The following SREK1IP1 variants were observed in gnomAD, a reference collection of about 807,000 sequenced individuals.
SREK1IP1 encodes SREK1 interacting protein 1.
Under a neutral mutation model 22.8 loss-of-function variants are expected in SREK1IP1, and 12 were observed. That is an observed-to-expected ratio of 0.53 (90% CI 0.34 to 0.85). SREK1IP1 has a LOEUF of 0.85. Among genes scored for constraint, SREK1IP1 ranks in the 40% least tolerant of loss-of-function variants. The probability of loss-of-function intolerance (pLI) is 0.02; values close to 1 mark genes in which losing one functional copy is unlikely to be tolerated. For synonymous variants in SREK1IP1, 53 were observed against 52.7 expected (o/e 1.01, Z -0.02); for missense variants, 147 against 171.8 (o/e 0.86, Z 0.81).
chr5:64,732,737 GC>G (rs1437305835), intron 3 of SREK1IP1, among the ~76,000 whole-genome samples: 4 of 152,024 alleles, frequency 2.6e-5, no homozygotes, highest in African/African-American at 9.7e-5. Flanking sequence ...AACTAAAATA[GC>G]TTGAACAATT....
At chr5:64,757,973 C>G (rs1217230944) in intron 1 of SREK1IP1, among the ~76,000 whole-genome samples, 1 of 146,248 alleles carries the variant, frequency 6.8e-6, no homozygotes, top group East Asian at 2.1e-4. Flanking sequence ...GGGTTCACAC[C>G]ATTCTCCTGC....
intron 3 of SREK1IP1, among the ~76,000 whole-genome samples, 164 bp from the exon 4 acceptor site, chr5:64,728,343 A>C (rs1393280987): frequency 1.3e-5 from 2 of 151,956 alleles, no homozygotes; most frequent in Non-Finnish European, 2.9e-5. Flanking sequence ...CCATTAAAAA[A>C]CTCATAAAAG....
chr5:64,725,111 A>G (rs1005608675), intron 4 of SREK1IP1, among the ~76,000 whole-genome samples: 2 of 152,184 alleles, frequency 1.3e-5, no homozygotes, highest in African/African-American at 4.8e-5. Context: ...GGAGAGTGAT[A>G]CAGATGAATA....
intron 2 of SREK1IP1, 108 bp from the exon 3 acceptor site, chr5:64,741,308 T>G: frequency 9.5e-7 from 1 of 1,053,612 alleles, no homozygotes; most frequent in Non-Finnish European, 1.4e-6. Context: ...ATTTCAATAA[T>G]ATAATGTAGA....
chr5:64,741,227 G>A (rs1426419236), intron 2 of SREK1IP1, 27 bp from the exon 3 acceptor site: 3 of 1,593,928 alleles, frequency 1.9e-6, no homozygotes, highest in East Asian at 2.3e-5. Context: ...AAAAAAATGT[G>A]AGTGATAAAA....
chr5:64,738,556 G>A (rs1369494280), intron 3 of SREK1IP1, among the ~76,000 whole-genome samples: 3 of 151,966 alleles, frequency 2.0e-5, no homozygotes. Context: ...CAAAGCTGTA[G>A]GCATCACATT....
At chr5:64,762,912 C>A (rs566505513) in intron 1 of SREK1IP1, among the ~76,000 whole-genome samples, 1 of 150,410 alleles carries the variant, frequency 6.6e-6, no homozygotes, top group Non-Finnish European at 1.5e-5. Flanking sequence ...ATTAGCCAGG[C>A]GTGGTGGTGG....
intron 3 of SREK1IP1, among the ~76,000 whole-genome samples, chr5:64,735,100 A>AT (rs200787880): frequency 0.014 from 2,054 of 151,950 alleles, 39 homozygotes; most frequent in African/African-American, 0.048. Context: ...TTGGCTCAGA[A>AT]TTTTTTATCA....
At chr5:64,730,886 G>T (rs1742366596) in intron 3 of SREK1IP1, among the ~76,000 whole-genome samples, 1 of 152,100 alleles carries the variant, frequency 6.6e-6, no homozygotes. Flanking sequence ...GCTAGATAAG[G>T]GTAAAAGATA....
rs1429462754 is a variant in SREK1IP1 at position 64,719,969 on chromosome 5, T to C, written c.*4415A>G. 1 of 152,240 alleles carries C rather than the reference T, an allele frequency of 6.6e-6. No homozygotes were observed. Among genetic ancestry groups the C allele is most frequent in the Admixed American group, 6.5e-5 (1 of 15,286 alleles). 9.4% of individuals were successfully genotyped at this position (152,240 alleles called of 1,614,324 possible). A position where few individuals can be genotyped will look rare whatever the true frequency, so the allele number is the denominator to read the frequency against. On this transcript the variant is annotated 3_prime_UTR_variant, in exon 5 of 5. Coordinates refer to ENST00000513458, the MANE Select transcript of SREK1IP1 (RefSeq NM_173829.4). ...GTCCTTGAAGCACTCCCTGCTGAGC[T>C]AGCTTATCACTAGGTTACCTGAGGT...
intron 3 of SREK1IP1, among the ~76,000 whole-genome samples, chr5:64,728,705 A>G (rs1742318591): frequency 6.6e-6 from 1 of 152,168 alleles, no homozygotes; most frequent in East Asian, 1.9e-4. Flanking sequence ...ACTGTCACAT[A>G]TATTTTGCAG....
rs1470386470 is a variant in SREK1IP1 at position 64,722,706 on chromosome 5, T to C, written c.*1678A>G. ...TGACTGACCTATTTAAACAAAAGCA[T>C]TTCCTTTTGAGAGGCCCAAATGACT... On this transcript the variant is annotated 3_prime_UTR_variant, in exon 5 of 5. Transcript: ENST00000513458. The C allele has an allele frequency of 6.6e-6, 1 of 152,226 alleles. No individual in the cohort carries two copies. Among genetic ancestry groups the C allele is most frequent in the Non-Finnish European group, 1.5e-5 (1 of 68,034 alleles). The allele number at this position is 152,226 out of a possible 1,614,324, so 9.4% of individuals were successfully genotyped here.
At chr5:64,754,452 T>C (rs970343772) in intron 1 of SREK1IP1, 90 bp from the exon 2 acceptor site, 7 of 1,317,052 alleles carry the variant, frequency 5.3e-6, no homozygotes, top group Non-Finnish European at 7.5e-6. Flanking sequence ...AGAAAAACCA[T>C]TTGTTATAGA....
At position 64,768,531 on chromosome 5, in the gene SREK1IP1, G is replaced by C; in HGVS notation, c.-14C>G. ...TGGGACTGCCATGACGGTGGTAAGA[G>C]GGGTAACTCGAGCCTCTGGCTTTCG... On this transcript the variant is annotated 5_prime_UTR_variant, in exon 1 of 5. Coordinates refer to ENST00000513458, the MANE Select transcript of SREK1IP1 (RefSeq NM_173829.4). 4 of 1,614,188 alleles carry C rather than the reference G, an allele frequency of 2.5e-6. No individual in the cohort carries two copies. In the South Asian group the frequency reaches 3.3e-5, roughly 13 times the overall value.
intron 1 of SREK1IP1, among the ~76,000 whole-genome samples, chr5:64,767,165 G>A (rs571554060): frequency 6.6e-6 from 1 of 151,668 alleles, no homozygotes; most frequent in East Asian, 1.9e-4. Context: ...CAGTTCCTCC[G>A]ACTGCAGTCT....
At chr5:64,738,592 G>C (rs900432784) in intron 3 of SREK1IP1, among the ~76,000 whole-genome samples, 4 of 152,060 alleles carry the variant, frequency 2.6e-5, no homozygotes, top group Non-Finnish European at 4.4e-5. Flanking sequence ...ATATTACACA[G>C]CTATAGTAAT....
chr5:64,767,042 GCTA>G (rs1401673084), intron 1 of SREK1IP1, among the ~76,000 whole-genome samples: 1 of 152,112 alleles, frequency 6.6e-6, no homozygotes, highest in Non-Finnish European at 1.5e-5. Flanking sequence ...ATTAGCTACA[GCTA>G]CTACCTCTGT....
chr5:64,745,142 G>A (rs1435870261), intron 2 of SREK1IP1, among the ~76,000 whole-genome samples: 1 of 152,172 alleles, frequency 6.6e-6, no homozygotes, highest in Non-Finnish European at 1.5e-5. Context: ...TTCTTGTCTA[G>A]CACCTGGGGA....
chr5:64,730,592 G>GAT (rs377266925), intron 3 of SREK1IP1, among the ~76,000 whole-genome samples: 7,004 of 151,792 alleles, frequency 0.046, 514 homozygotes, highest in African/African-American at 0.16. Context: ...AAGAAAGATG[G>GAT]ATATATATAT....
Sources: gnomAD v4.1 joint callset for allele counts (sites outside exome capture counted in the v4.1 genomes callset) on GRCh38, gnomAD v4.1.1 for gene constraint, MANE v1.5 for transcripts, NCBI Gene and HGNC (gene_info 2026-07-23, HGNC 2026-07-21) for gene names.